Variants in TENM2 observed in about 807,000 individuals in gnomAD.
The protein encoded by TENM2 is teneurin transmembrane protein 2, also known as teneurin-2.
In TENM2, 52 loss-of-function variants were observed where a neutral mutation model predicts 245.2. The ratio of observed to expected loss-of-function variants is 0.21; its 90% CI spans 0.17 to 0.27. The LOEUF (loss-of-function observed/expected upper bound fraction) is 0.27. TENM2 is among the 10% of genes least tolerant of loss of function. The pLI is 1.00. For synonymous variants in TENM2, 1,363 were observed against 1,438.9 expected (o/e 0.95, Z 1.19); for missense variants, 3,046 against 3,666.8 (o/e 0.83, Z 4.37).
intron 2 of TENM2, among the ~76,000 whole-genome samples, chr5:167,475,189 A>G (rs1453690973): frequency 1.3e-5 from 2 of 152,192 alleles, no homozygotes; most frequent in Non-Finnish European, 2.9e-5. Flanking sequence ...TATACTGAAA[A>G]TTATTGAATA....
chr5:167,933,118 T>C (rs1361945143), intron 3 of TENM2, among the ~76,000 whole-genome samples: 1 of 152,200 alleles, frequency 6.6e-6, no homozygotes, highest in East Asian at 1.9e-4. Context: ...GACAGGCCCT[T>C]GACAACTTTG....
chr5:167,843,904 G>C (rs965356017), intron 2 of TENM2, among the ~76,000 whole-genome samples: 1 of 152,160 alleles, frequency 6.6e-6, no homozygotes, highest in Non-Finnish European at 1.5e-5. Flanking sequence ...TGATGATTTG[G>C]GGTATATTGT....
At chr5:167,970,908 G>C (rs59637382) in intron 4 of TENM2, among the ~76,000 whole-genome samples, 4,894 of 151,966 alleles carry the variant, frequency 0.032, 187 homozygotes, top group African/African-American at 0.091. Flanking sequence ...TCGTGTGTGT[G>C]GTGGCACTGG....
At chr5:167,548,861 T>G (rs1772746199) in intron 2 of TENM2, among the ~76,000 whole-genome samples, 2 of 152,296 alleles carry the variant, frequency 1.3e-5, no homozygotes, top group South Asian at 4.2e-4. Flanking sequence ...ACTTGCAGTT[T>G]ATTGAGAGTG....
intron 2 of TENM2, among the ~76,000 whole-genome samples, chr5:167,770,268 A>T (rs1763316089): frequency 1.3e-5 from 2 of 152,300 alleles, no homozygotes; most frequent in South Asian, 4.1e-4. Flanking sequence ...CTTAGTGATT[A>T]AGAATGAGTA....
intron 2 of TENM2, among the ~76,000 whole-genome samples, chr5:167,565,938 T>G (rs1773879101): frequency 6.6e-6 from 1 of 152,134 alleles, no homozygotes; most frequent in Non-Finnish European, 1.5e-5. Flanking sequence ...AAAAGTGGTT[T>G]GTTTGTTTGT....
intron 2 of TENM2, among the ~76,000 whole-genome samples, chr5:167,779,949 A>G (rs2150825409): frequency 6.6e-6 from 1 of 152,304 alleles, no homozygotes. Flanking sequence ...AATGTACCAA[A>G]TGTTCTAATA....
the TENM2 span, among the ~76,000 whole-genome samples, chr5:167,069,394 C>A: frequency 6.6e-6 from 1 of 152,160 alleles, no homozygotes; most frequent in Non-Finnish European, 1.5e-5. Context: ...ATCTCCAAAT[C>A]TTTCCCCAAA....
At chr5:167,983,534 T>C (rs992573725) in intron 4 of TENM2, among the ~76,000 whole-genome samples, 9 of 152,162 alleles carry the variant, frequency 5.9e-5, no homozygotes, top group African/African-American at 2.2e-4. Flanking sequence ...CAGTCCCCTA[T>C]GAGCCGAAAG....
upstream of TENM2, among the ~76,000 whole-genome samples, chr5:167,281,667 T>G (rs1771072352): frequency 6.6e-6 from 1 of 152,168 alleles, no homozygotes; most frequent in Admixed American, 6.5e-5. Context: ...GATGTCAAAA[T>G]GTCCAAACAC....
At chr5:168,133,065 C>T (rs563588753) in intron 12 of TENM2, among the ~76,000 whole-genome samples, 1 of 152,328 alleles carries the variant, frequency 6.6e-6, no homozygotes, top group South Asian at 2.1e-4. Flanking sequence ...GTCACCAAGC[C>T]TTCCCGACCT....
rs547620862 is a variant in TENM2, at chr5:168,002,415, A to G, written c.1186+9233A>G. Among the ~76,000 whole-genome samples the G allele has an allele frequency of 5.3e-5, 8 of 152,350 alleles. No individual in the cohort carries two copies. The South Asian group carries it at 8.3e-4, about 16-fold the overall frequency. On this transcript the variant is annotated intron_variant, in intron 5 of 28. Coordinates refer to ENST00000518659, the Ensembl canonical transcript of TENM2. ...TGAGCATTTTAAAGTCACGTTAATGAAGTTTATATTAGACTTGCTTATATT... is the reference window on the plus strand; with the variant it reads ...TGAGCATTTTAAAGTCACGTTAATGGAGTTTATATTAGACTTGCTTATATT...
At chr5:167,421,713 T>C (rs975886835) in intron 2 of TENM2, among the ~76,000 whole-genome samples, 1 of 152,200 alleles carries the variant, frequency 6.6e-6, no homozygotes, top group Non-Finnish European at 1.5e-5. Flanking sequence ...GAACATCTAC[T>C]ACATAAGATT....
At chr5:167,596,515 C>T (rs1285406478) in intron 2 of TENM2, among the ~76,000 whole-genome samples, 3 of 152,080 alleles carry the variant, frequency 2.0e-5, no homozygotes, top group South Asian at 4.1e-4. Flanking sequence ...AAATGCAGGC[C>T]GGGCGCGGTG....
At chr5:167,927,067 A>G (rs543536045) in intron 3 of TENM2, among the ~76,000 whole-genome samples, 3 of 152,038 alleles carry the variant, frequency 2.0e-5, no homozygotes, top group Non-Finnish European at 2.9e-5. Flanking sequence ...TAGGTAGCCC[A>G]TTGTATTCGT....
At chr5:167,413,140 A>G (rs1762993635) in intron 2 of TENM2, among the ~76,000 whole-genome samples, 1 of 151,912 alleles carries the variant, frequency 6.6e-6, no homozygotes, top group South Asian at 2.1e-4. Flanking sequence ...TTATTTATTT[A>G]TTTTTTGGCT....
At chr5:167,587,747 T>C (rs967040616) in intron 2 of TENM2, among the ~76,000 whole-genome samples, 4 of 152,242 alleles carry the variant, frequency 2.6e-5, no homozygotes, top group Admixed American at 2.6e-4. Flanking sequence ...TACAGCTTTT[T>C]TCGGAATAAA....
the TENM2 span, among the ~76,000 whole-genome samples, chr5:167,184,094 T>C: frequency 6.6e-6 from 1 of 152,214 alleles, no homozygotes; most frequent in African/African-American, 2.4e-5. Flanking sequence ...AAGAACAGAT[T>C]ACTTGGTGTT....
intron 1 of TENM2, among the ~76,000 whole-genome samples, chr5:167,367,810 A>C (rs1335065226): frequency 6.6e-6 from 1 of 152,162 alleles, no homozygotes; most frequent in African/African-American, 2.4e-5. Flanking sequence ...AAATAAAATT[A>C]TATTTTATCA....
Sources: allele counts gnomAD v4.1 joint callset (sites outside exome capture counted in the v4.1 genomes callset), GRCh38; gene constraint gnomAD v4.1.1; transcripts MANE v1.5; gene names NCBI Gene and HGNC (gene_info 2026-07-23, HGNC 2026-07-21).